NBN: variants seen among roughly 807,000 people sequenced by gnomAD.
The protein encoded by NBN is nibrin, also known as Nijmegen breakage syndrome 1 (nibrin).
Under a neutral mutation model 90.8 loss-of-function variants are expected in NBN, and 88 were observed. The ratio of observed to expected loss-of-function variants is 0.97; its 90% CI spans 0.82 to 1.16. The LOEUF (loss-of-function observed/expected upper bound fraction) is 1.16, where lower values mean the gene tolerates loss of function less well. Ranked by LOEUF, NBN falls within the 50% of genes most tolerant of loss-of-function variation. The pLI, the probability that NBN is intolerant of heterozygous loss-of-function variation, is 0.00. For missense variants in NBN, 894 were observed against 869.6 expected (o/e 1.03, Z -0.35); for synonymous variants, 328 against 295.1 (o/e 1.11, Z -1.14).
At chr8:89,965,540 G>A (rs9650098) in intron 7 of NBN, among the ~76,000 whole-genome samples, 46,665 of 150,726 alleles carry the variant, frequency 0.31, 7,453 homozygotes, top group East Asian at 0.45. Context: ...CCAGGCTGGA[G>A]AGCAGTGGTG....
Position 89,970,259 on chromosome 8 carries a change from A to G in NBN, c.896+105T>C, listed in dbSNP as rs572624714. ...AGCAAGACTCCGTCTCAAAAAAAAA[A>G]AATTCTTGTATCTACTTTTACATTG... On this transcript the variant is annotated intron_variant, in intron 7 of 15. Transcript: ENST00000265433. The G allele has an allele frequency of 5.7e-6, 6 of 1,043,838 alleles. No homozygotes were observed. The African/African-American group carries it at 8.1e-5, about 14-fold the overall frequency. 64.7% of individuals were successfully genotyped at this position (1,043,838 alleles called of 1,614,324 possible).
chr8:89,941,362 A>C (rs1586031915), intron 14 of NBN, among the ~76,000 whole-genome samples: 1 of 152,302 alleles, frequency 6.6e-6, no homozygotes, highest in Non-Finnish European at 1.5e-5. Flanking sequence ...GCATAAGGTA[A>C]GGGAGGCTAG....
chr8:89,971,658 T>A (rs958535588), intron 5 of NBN, among the ~76,000 whole-genome samples: 8 of 152,200 alleles, frequency 5.3e-5, no homozygotes, highest in African/African-American at 9.7e-5. Context: ...CATCTTGTGT[T>A]TACTTAGGAG....
At position 89,943,279 on chromosome 8, in the gene NBN, C is replaced by T. The variant is rs876660294; in HGVS notation, c.2158G>A (p.Glu720Lys). Residue 720 changes from glutamate (E) to lysine (K), a missense_variant, in exon 14 of 16, where the codon GAA becomes AAA. Physicochemically the swap from Glu to Lys is moderately conservative, Grantham distance 56. Coordinates refer to ENST00000265433, the MANE Select transcript of NBN (RefSeq NM_002485.5). ...TCCATTTCCTGCCTTAGCCACTCTT[C>T]TAGTTCTGTATTCTTTCGAGCATGA... is the stretch of plus-strand genomic sequence containing the variant. Reference protein sequence around the residue: ...AHHARKNTELEEWLRQEMEVQ... With the variant: ...AHHARKNTELKEWLRQEMEVQ... The T allele has an allele frequency of 1.2e-6, 2 of 1,613,762 alleles. No individual in the cohort carries two copies. Among genetic ancestry groups the T allele is most frequent in the South Asian group, 2.2e-5 (2 of 91,068 alleles).
chr8:89,970,854 C>T (rs1161679509), intron 6 of NBN, among the ~76,000 whole-genome samples: 1 of 152,178 alleles, frequency 6.6e-6, no homozygotes, highest in African/African-American at 2.4e-5. Flanking sequence ...GTACACAGAA[C>T]ATATTCAACT....
At chr8:89,968,370 G>A (rs1811349777) in intron 7 of NBN, among the ~76,000 whole-genome samples, 1 of 151,980 alleles carries the variant, frequency 6.6e-6, no homozygotes, top group South Asian at 2.1e-4. Context: ...TTTAACCTCA[G>A]GGTGTCAATA....
chr8:89,952,211 T>C (rs1810476125), intron 11 of NBN, among the ~76,000 whole-genome samples: 1 of 152,224 alleles, frequency 6.6e-6, no homozygotes, highest in Non-Finnish European at 1.5e-5. Flanking sequence ...CCACTGATTT[T>C]AGAATTTTTA....
At chr8:89,959,310 C>T (rs1260353093) in intron 8 of NBN, among the ~76,000 whole-genome samples, 1 of 152,110 alleles carries the variant, frequency 6.6e-6, no homozygotes, top group Non-Finnish European at 1.5e-5. Flanking sequence ...CTGGCTACTC[C>T]AGAAAACCAT....
chr8:89,977,520 T>C (rs1322840649), intron 5 of NBN, among the ~76,000 whole-genome samples: 1 of 152,196 alleles, frequency 6.6e-6, no homozygotes, highest in Non-Finnish European at 1.5e-5. Flanking sequence ...TTGTTAATAG[T>C]GCTGCAATAA....
chr8:89,948,033 AG>A (rs1404525059), intron 11 of NBN, 141 bp from the exon 12 acceptor site: 1 of 521,086 alleles, frequency 1.9e-6, no homozygotes, highest in Non-Finnish European at 3.4e-6. Context: ...ATGTATGACC[AG>A]GCATTTGGCT....
rs756662033 is a variant in NBN at position 89,981,325 on chromosome 8, T to C, written c.320+50A>G. ...CAGAAATATCATTTTCCTTTAGGATTTGGCTGAAACAAAGCTGTCCATTTT... is the reference window on the plus strand; with the variant it reads ...CAGAAATATCATTTTCCTTTAGGATCTGGCTGAAACAAAGCTGTCCATTTT... On this transcript the variant is annotated intron_variant, in intron 3 of 15. Coordinates refer to ENST00000265433, the MANE Select transcript of NBN (RefSeq NM_002485.5). 6 of 1,536,958 alleles carry C rather than the reference T, an allele frequency of 3.9e-6. No individual in the cohort carries two copies. In the Admixed American group the frequency reaches 6.7e-5, roughly 17 times the overall value.
At chr8:89,960,551 G>A (rs1269026801) in intron 8 of NBN, among the ~76,000 whole-genome samples, 1 of 151,976 alleles carries the variant, frequency 6.6e-6, no homozygotes, top group African/African-American at 2.4e-5. Context: ...ACTCAGGAGG[G>A]TGAGGCAGGA....
chr8:89,933,781 CA>C lies in NBN; in HGVS notation c.*1800del, dbSNP rs2130731878. ...TTTAAAACTTCTATTCATCAAAAGA[CA>C]TAAAGAAAACAGTCAAGCCACAGAC... On this transcript the variant is annotated 3_prime_UTR_variant, in exon 16 of 16. Coordinates refer to ENST00000265433, the MANE Select transcript of NBN (RefSeq NM_002485.5). 2 of 232,270 alleles carry C rather than the reference CA, an allele frequency of 8.6e-6. No homozygotes were observed. Among genetic ancestry groups the C allele is most frequent in the South Asian group, 3.6e-4 (2 of 5,518 alleles). 14.4% of individuals were successfully genotyped at this position (232,270 alleles called of 1,614,324 possible). A position where few individuals can be genotyped will look rare whatever the true frequency, so the allele number is the denominator to read the frequency against.
At chr8:89,967,923 G>T (rs1422154272) in intron 7 of NBN, among the ~76,000 whole-genome samples, 2 of 152,140 alleles carry the variant, frequency 1.3e-5, no homozygotes, top group African/African-American at 4.8e-5. Flanking sequence ...ATCATTTTAA[G>T]TGACAGTCTT....
intron 7 of NBN, among the ~76,000 whole-genome samples, chr8:89,969,408 C>A (rs1426077981): frequency 1.3e-5 from 2 of 152,148 alleles, no homozygotes; most frequent in African/African-American, 4.8e-5. Flanking sequence ...AGGGCAAATA[C>A]ATTTCAACGC....
At chr8:89,943,192 G>A in intron 14 of NBN, 61 bp downstream of exon 14, 1 of 1,572,270 alleles carries the variant, frequency 6.4e-7, no homozygotes, top group Middle Eastern at 1.7e-4. Context: ...TTTGCTTGAA[G>A]GCCACCATAA....
chr8:89,952,083 G>A (rs1295867614), intron 11 of NBN, among the ~76,000 whole-genome samples: 1 of 152,156 alleles, frequency 6.6e-6, no homozygotes, highest in African/African-American at 2.4e-5. Context: ...ATGGCTGGAG[G>A]TATCCTCTCA....
chr8:89,935,559 T>C lies in NBN; in HGVS notation c.*23A>G, dbSNP rs776664609. The C allele has an allele frequency of 1.2e-5, 19 of 1,610,810 alleles. No homozygotes were observed. The highest frequency in any genetic ancestry group is 1.5e-5 in the Non-Finnish European group (18 of 1,177,784). On this transcript the variant is annotated 3_prime_UTR_variant, in exon 16 of 16. Transcript: ENST00000265433. ...AGATGCTTACTAGGAAGTTTTTCCA[T>C]GGCTTCTTTTTAAAATCCTCAGTTA...
At chr8:89,961,905 T>C (rs751104864) in intron 8 of NBN, among the ~76,000 whole-genome samples, 19 of 152,090 alleles carry the variant, frequency 1.2e-4, no homozygotes, top group Non-Finnish European at 2.8e-4. Context: ...GAGAAGGATG[T>C]AGAGGGTTCA....
Sources: gnomAD v4.1 joint callset for allele counts (sites outside exome capture counted in the v4.1 genomes callset) on GRCh38, gnomAD v4.1.1 for gene constraint, MANE v1.5 for transcripts, NCBI Gene and HGNC (gene_info 2026-07-23, HGNC 2026-07-21) for gene names.